Variants in MRI1 observed in about 807,000 individuals in gnomAD.
The protein encoded by MRI1 is methylthioribose-1-phosphate isomerase 1, also known as methylthioribose-1-phosphate isomerase.
A neutral mutation model predicts 27.3 loss-of-function variants in MRI1; 32 were observed. The observed-to-expected ratio is 1.17, with a 90% CI of 0.88 to 1.57. The LOEUF (loss-of-function observed/expected upper bound fraction) is 1.57, where lower values mean the gene tolerates loss of function less well. Ranked by LOEUF, MRI1 falls within the 40% of genes most tolerant of loss-of-function variation. The probability of loss-of-function intolerance (pLI) is 0.00; values close to 1 mark genes in which losing one functional copy is unlikely to be tolerated. For missense variants in MRI1, 508 were observed against 516.1 expected (o/e 0.98, Z 0.15); for synonymous variants, 216 against 227.4 (o/e 0.95, Z 0.45).
At chr19:13,765,559 C>T (rs968014984) in intron 2 of MRI1, among the ~76,000 whole-genome samples, 2 of 152,190 alleles carry the variant, frequency 1.3e-5, no homozygotes, top group Non-Finnish European at 2.9e-5. Context: ...AGCCTTTGCA[C>T]GTGCCATTGG....
chr19:13,767,029 ATATATATATTTTTTTTTTTT>A (rs71170560), intron 3 of MRI1, among the ~76,000 whole-genome samples: 9,796 of 39,580 alleles, frequency 0.25, 286 homozygotes, highest in South Asian at 0.34. Flanking sequence ...ATATATATAT[ATATATATATTTTTTTTTTTT>A]TTTTTTTTTT....
Position 13,772,159 on chromosome 19 carries a change from C to G in MRI1, c.988C>G (p.His330Asp), listed in dbSNP as rs755270401. The change falls in exon 6 of 6, where the codon CAC becomes GAC. Residue 330 changes from histidine (H) to aspartate (D), a missense_variant. Transcript: ENST00000040663. Reference sequence around the variant, plus strand: ...GAATCCTGCCTTCGATGTCACCCCCCACGACCTCATCACTGGTGGCATCAT... The same window carrying G: ...GAATCCTGCCTTCGATGTCACCCCCGACGACCTCATCACTGGTGGCATCAT... ...VWNPAFDVTPHDLITGGIITE... is the reference protein window; with the variant it reads ...VWNPAFDVTPDDLITGGIITE... 4.3e-6 allele frequency: 7 copies of G among 1,613,986 alleles called. No individual in the cohort carries two copies. Among genetic ancestry groups the G allele is most frequent in the Middle Eastern group, 1.7e-4 (1 of 6,060 alleles).
At chr19:13,764,772 C>T in intron 1 of MRI1, 52 bp downstream of exon 1, 1 of 285,184 alleles carries the variant, frequency 3.5e-6, no homozygotes, top group South Asian at 9.1e-5. Context: ...GGCGGCGGGG[C>T]GGCGGGGCGG....
Position 13,772,024 on chromosome 19 carries a change from A to G in MRI1, c.950-97A>G, listed in dbSNP as rs1974277414. On this transcript the variant is annotated intron_variant, in intron 5 of 5. Transcript: ENST00000040663. ...TCCTCAGGTTCTCAAGGACTCCCCAACTCCAAGAACCACTGTGGTAGAAAC... is the reference window on the plus strand; with the variant it reads ...TCCTCAGGTTCTCAAGGACTCCCCAGCTCCAAGAACCACTGTGGTAGAAAC... The G allele has an allele frequency of 3.2e-6, 4 of 1,246,470 alleles. No individual in the cohort carries two copies. In the Admixed American group the frequency reaches 9.3e-5, roughly 29 times the overall value. 77.2% of individuals were successfully genotyped at this position (1,246,470 alleles called of 1,614,324 possible).
Position 13,773,300 on chromosome 19 carries a change from G to C in MRI1, c.*1019G>C, listed in dbSNP as rs1974309688. The C allele has an allele frequency of 6.6e-6, 1 of 152,074 alleles. No homozygotes were observed. The highest frequency in any genetic ancestry group is 1.5e-5 in the Non-Finnish European group (1 of 68,032). The allele number at this position is 152,074 out of a possible 1,614,324, so 9.4% of individuals were successfully genotyped here. ...TGGGACTACAGGCATGAGCCACTGT[G>C]CCTGACCTTACAGCAGTATTTTTTA... On this transcript the variant is annotated 3_prime_UTR_variant, in exon 6 of 6. Coordinates refer to ENST00000040663, the MANE Select transcript of MRI1 (RefSeq NM_001031727.4).
rs35659909 is a variant in MRI1, at chr19:13,768,730, C to T, written c.717C>T (p.Gly239=). The change falls in exon 4 of 6, where the codon GGC becomes GGT. Residue 239 remains glycine, a synonymous_variant. Coordinates refer to ENST00000040663, the MANE Select transcript of MRI1 (RefSeq NM_001031727.4). ...SMVAAAMAHR[G]VSAVVVGADR... is the part of the protein sequence containing the mutation. ...TGGCTGCTGCCATGGCCCATAGGGG[C>T]GTGTCAGGTAAGCAGACGGTAAGCC... 46 of 1,612,442 alleles carry T rather than the reference C, an allele frequency of 2.9e-5. No homozygotes were observed. Among genetic ancestry groups the T allele is most frequent in the Non-Finnish European group, 5.1e-6 (6 of 1,179,240 alleles).
At chr19:13,770,313 C>T (rs1009641811) in intron 5 of MRI1, among the ~76,000 whole-genome samples, 2 of 152,084 alleles carry the variant, frequency 1.3e-5, no homozygotes, top group Admixed American at 6.6e-5. Flanking sequence ...ACTCAGATGC[C>T]GTGGCTCACG....
At position 13,772,374 on chromosome 19, in the gene MRI1, C is replaced by G; in HGVS notation, c.*93C>G. The G allele has an allele frequency of 7.8e-7, 1 of 1,287,370 alleles. No homozygotes were observed. The highest frequency in any genetic ancestry group is 1.5e-5 in the South Asian group (1 of 68,540). The allele number at this position is 1,287,370 out of a possible 1,614,324, so 79.7% of individuals were successfully genotyped here. A position where few individuals can be genotyped will look rare whatever the true frequency, so the allele number is the denominator to read the frequency against. ...GCTGACCGTCCAGCCCCTGACCACA[C>G]TTGTTCCTAGTGCAGGGAGCTCAGA... is the stretch of plus-strand genomic sequence containing the variant. On this transcript the variant is annotated 3_prime_UTR_variant, in exon 6 of 6. Transcript: ENST00000040663.
intron 3 of MRI1, among the ~76,000 whole-genome samples, chr19:13,767,326 C>T (rs1351003317): frequency 6.6e-6 from 1 of 151,910 alleles, no homozygotes; most frequent in African/African-American, 2.4e-5. Context: ...GGATTACAGA[C>T]GTAAGCCACA....
intron 5 of MRI1, 57 bp from the exon 6 acceptor site, chr19:13,772,064 T>G (rs1974277908): frequency 6.6e-7 from 1 of 1,521,452 alleles, no homozygotes; most frequent in Non-Finnish European, 8.9e-7. Context: ...GACTACAACC[T>G]GAGAACTTTC....
intron 3 of MRI1, among the ~76,000 whole-genome samples, 190 bp downstream of exon 3, chr19:13,766,319 C>G (rs1413137107): frequency 2.6e-5 from 4 of 152,192 alleles, no homozygotes; most frequent in Non-Finnish European, 5.9e-5. Flanking sequence ...AGCATCAGGA[C>G]CTATCTATCT....
At chr19:13,766,911 G>C (rs76172805) in intron 3 of MRI1, among the ~76,000 whole-genome samples, 1 of 150,430 alleles carries the variant, frequency 6.6e-6, no homozygotes, top group African/African-American at 2.4e-5. Context: ...ATCTGTGGGG[G>C]ACTGGTTCCA....
At position 13,773,181 on chromosome 19, in the gene MRI1, C is replaced by A. The variant is rs1008652505; in HGVS notation, c.*900C>A. 1.3e-5 allele frequency: 2 copies of A among 151,862 alleles called. No homozygotes were observed. Among genetic ancestry groups the A allele is most frequent in the Non-Finnish European group, 2.9e-5 (2 of 67,992 alleles). 9.4% of individuals were successfully genotyped at this position (151,862 alleles called of 1,614,324 possible). A position where few individuals can be genotyped will look rare whatever the true frequency, so the allele number is the denominator to read the frequency against. ...GCGCCACCATGCCCAGCTAATTTTT[C>A]TATTTTTAGTAGAGACATGATTTCA... On this transcript the variant is annotated 3_prime_UTR_variant, in exon 6 of 6. Transcript: ENST00000040663.
intron 2 of MRI1, 24 bp downstream of exon 2, chr19:13,765,133 C>T (rs768449562): frequency 3.2e-5 from 47 of 1,489,916 alleles, no homozygotes; most frequent in Non-Finnish European, 4.0e-5. Context: ...GTACCAGGCA[C>T]GGCGCTGAGC....
chr19:13,770,619 C>G (rs1974249193), intron 5 of MRI1, among the ~76,000 whole-genome samples: 1 of 152,038 alleles, frequency 6.6e-6, no homozygotes, highest in African/African-American at 2.4e-5. Context: ...CGCTGTGGCT[C>G]ACGCCTGTAA....
At chr19:13,765,174 T>A in intron 2 of MRI1, 65 bp downstream of exon 2, 1 of 1,312,242 alleles carries the variant, frequency 7.6e-7, no homozygotes, top group South Asian at 1.5e-5. Flanking sequence ...TTAAGTACAG[T>A]GACCCACTAT....
At position 13,768,929 on chromosome 19, in the gene MRI1, A is replaced by G. The variant is rs191513721; in HGVS notation, c.830A>G (p.Tyr277Cys). The change falls in exon 5 of 6, where the codon TAC becomes TGC. Residue 277 changes from tyrosine to cysteine, a missense_variant. Tyr to Cys is a radical substitution (Grantham distance 194). Coordinates refer to ENST00000040663, the MANE Select transcript of MRI1 (RefSeq NM_001031727.4). ...IVAKHHGIPF[Y>C]VAAPSSSCDL... ...GCCAAGCACCATGGCATTCCCTTCT[A>G]CGTGGCTGCCCCCAGCTCTTCATGT... 604 of 1,614,074 alleles carry G rather than the reference A, an allele frequency of 3.7e-4. 5 individuals are homozygous for G. The East Asian group carries it at 5.8e-3, about 15-fold the overall frequency.
At chr19:13,765,492 C>G (rs1225150297) in intron 2 of MRI1, among the ~76,000 whole-genome samples, 1 of 152,128 alleles carries the variant, frequency 6.6e-6, no homozygotes, top group African/African-American at 2.4e-5. Flanking sequence ...CACTTCCTTT[C>G]TGCTCCAGCC....
Position 13,764,541 on chromosome 19 carries a change from G to T in MRI1, c.-48G>T, listed in dbSNP as rs1974058916. The T allele has an allele frequency of 1.8e-5, 29 of 1,590,540 alleles. No homozygotes were observed. Among genetic ancestry groups the T allele is most frequent in the Non-Finnish European group, 2.4e-5 (28 of 1,169,954 alleles). Reference sequence around the variant, plus strand: ...GGCCCCGCCCCGCTCCCAAGTGCGCGCGGACCCCTAGCTCCCTCTGAGTTG... The same window carrying T: ...GGCCCCGCCCCGCTCCCAAGTGCGCTCGGACCCCTAGCTCCCTCTGAGTTG... On this transcript the variant is annotated 5_prime_UTR_variant, in exon 1 of 6. Coordinates refer to ENST00000040663, the MANE Select transcript of MRI1 (RefSeq NM_001031727.4).
Sources: allele counts gnomAD v4.1 joint callset (sites outside exome capture counted in the v4.1 genomes callset), GRCh38; gene constraint gnomAD v4.1.1; transcripts MANE v1.5; gene names NCBI Gene and HGNC (gene_info 2026-07-23, HGNC 2026-07-21).